The following SMC4 variants were observed in gnomAD, a reference collection of about 807,000 sequenced individuals.
SMC4 encodes the protein structural maintenance of chromosomes 4.
In SMC4, 87 loss-of-function variants were observed where a neutral mutation model predicts 145.6. That is an observed-to-expected ratio of 0.60 (90% CI 0.50 to 0.71). SMC4 has a LOEUF of 0.71. Ranked by LOEUF, SMC4 falls within the 30% of genes least tolerant of loss-of-function variation. SMC4 has a pLI of 0.00. For missense variants in SMC4, 1,447 were observed against 1,537.1 expected (o/e 0.94, Z 0.98); for synonymous variants, 558 against 500.7 (o/e 1.11, Z -1.53).
At chr3:160,425,543 A>G (rs1213632398) in intron 16 of SMC4, among the ~76,000 whole-genome samples, 1 of 152,132 alleles carries the variant, frequency 6.6e-6, no homozygotes, top group Admixed American at 6.5e-5. Context: ...TTTTCTTTCC[A>G]AGGCAGTATA....
rs1048497731 is a variant in SMC4, at chr3:160,401,459, T to C, written c.140-456T>C. On this transcript the variant is annotated intron_variant, in intron 2 of 23. Coordinates refer to ENST00000357388, the MANE Select transcript of SMC4 (RefSeq NM_001002800.3). ...TGTGAGTCCAGGAGTTGGGTGACAT[T>C]ATTAAACCCTCGTGGCAGTGTCGCT... 4.6e-5 allele frequency among the ~76,000 whole-genome samples: 7 copies of C among 152,144 alleles called. 1 individual carries two copies. The South Asian group carries it at 1.2e-3, about 27-fold the overall frequency.
rs1718366768 is a variant in SMC4, at chr3:160,431,201, A to G, written c.3110A>G (p.Lys1037Arg). The G allele has an allele frequency of 3.2e-6, 5 of 1,578,612 alleles. No homozygotes were observed. Among genetic ancestry groups the G allele is most frequent in the South Asian group, 1.2e-5 (1 of 85,030 alleles). Reference sequence around the variant, plus strand: ...AATTCTAAAATAAAATATTGGCACAAAGAGGTGAGATTGTTACCGTTTAGT... The same window carrying G: ...AATTCTAAAATAAAATATTGGCACAGAGAGGTGAGATTGTTACCGTTTAGT... ...EHNSKIKYWH[K>R]EISKISLHPI... Residue 1037 changes from lysine (K) to arginine (R), a missense_variant, in exon 20 of 24, where the codon AAA becomes AGA. Lys to Arg is a conservative substitution (Grantham distance 26, BLOSUM62 2). Coordinates refer to ENST00000357388, the MANE Select transcript of SMC4 (RefSeq NM_001002800.3).
intron 2 of SMC4, 92 bp downstream of exon 2, chr3:160,401,057 C>G (rs1360452564): frequency 2.3e-6 from 3 of 1,333,224 alleles, no homozygotes; most frequent in Non-Finnish European, 2.9e-6. Flanking sequence ...TTGTTGAGCG[C>G]GGAGTTGACA....
intron 7 of SMC4, 63 bp from the exon 8 acceptor site, chr3:160,413,409 TA>T: frequency 6.8e-7 from 1 of 1,462,534 alleles, no homozygotes; most frequent in Non-Finnish European, 9.3e-7. Context: ...CTAAAATTGT[TA>T]TACAGTTTTG....
rs1716073949 is a variant in SMC4, at chr3:160,412,252, A to G, written c.853-74A>G. 4.0e-6 allele frequency: 6 copies of G among 1,485,916 alleles called. No individual in the cohort carries two copies. The East Asian group carries it at 1.4e-4, about 34-fold the overall frequency. 92.0% of individuals were successfully genotyped at this position (1,485,916 alleles called of 1,614,324 possible). On this transcript the variant is annotated intron_variant, in intron 6 of 23. Transcript: ENST00000357388. ...TTCTCCTTATTAACTGTTTTTATCT[A>G]ATGTTTGCATATTTTAAGTTCATAT...
intron 5 of SMC4, among the ~76,000 whole-genome samples, chr3:160,411,435 C>G (rs1311702185): frequency 1.3e-5 from 2 of 152,138 alleles, no homozygotes; most frequent in African/African-American, 4.8e-5. Flanking sequence ...GTTGGTAATA[C>G]TACTTTGGGA....
rs544734751 is a variant in SMC4 at position 160,413,469 on chromosome 3, A to G, written c.981-4A>G. 8 of 1,567,448 alleles carry G rather than the reference A, an allele frequency of 5.1e-6. No homozygotes were observed. Among genetic ancestry groups the G allele is most frequent in the South Asian group, 3.6e-5 (3 of 83,658 alleles). On this transcript the variant is annotated splice_polypyrimidine_tract_variant and splice_region_variant and intron_variant, in intron 7 of 23. Transcript: ENST00000357388. Reference sequence around the variant, plus strand: ...ATTTCTTTTTTTTTTTTTCCTCCCTATAGTTATGAGTTGCAGAAACGAATT... The same window carrying G: ...ATTTCTTTTTTTTTTTTTCCTCCCTGTAGTTATGAGTTGCAGAAACGAATT...
intron 5 of SMC4, among the ~76,000 whole-genome samples, chr3:160,406,141 A>T (rs984951921): frequency 2.0e-5 from 3 of 152,116 alleles, no homozygotes; most frequent in African/African-American, 7.2e-5. Flanking sequence ...TCTGAAGTAT[A>T]TGGGATGCTA....
intron 18 of SMC4, among the ~76,000 whole-genome samples, chr3:160,429,147 T>G (rs1461203673): frequency 6.6e-6 from 1 of 152,100 alleles, no homozygotes; most frequent in Middle Eastern, 3.2e-3. Context: ...GGTAAACAGG[T>G]ATGCCATAGG....
chr3:160,408,762 T>C (rs1400141546), intron 5 of SMC4, among the ~76,000 whole-genome samples: 3 of 152,076 alleles, frequency 2.0e-5, no homozygotes, highest in Non-Finnish European at 4.4e-5. Flanking sequence ...ACAGATTACA[T>C]AGGAGATGGC....
At position 160,416,284 on chromosome 3, in the gene SMC4, A is replaced by G. The variant is rs1308156296; in HGVS notation, c.1306A>G (p.Asn436Asp). 6.3e-7 allele frequency: 1 copy of G among 1,598,226 alleles called. No homozygotes were observed. Among genetic ancestry groups the G allele is most frequent in the Non-Finnish European group, 8.5e-7 (1 of 1,174,446 alleles). The change falls in exon 10 of 24, where the codon AAC (asparagine) becomes GAC (aspartate). Residue 436 changes from asparagine (N) to aspartate (D), a missense_variant. By Grantham distance (23) the Asn-to-Asp change is conservative. Coordinates refer to ENST00000357388, the MANE Select transcript of SMC4 (RefSeq NM_001002800.3). ...EEFKSIPAKSNNIINETTTRN... is the reference protein window; with the variant it reads ...EEFKSIPAKSDNIINETTTRN... Reference sequence around the variant, plus strand: ...ATTTAAAAGTATACCTGCCAAGAGTAACAATATCATTAATGAAACAACAAC... The same window carrying G: ...ATTTAAAAGTATACCTGCCAAGAGTGACAATATCATTAATGAAACAACAAC...
intron 5 of SMC4, among the ~76,000 whole-genome samples, chr3:160,408,887 G>A (rs1715643149): frequency 6.6e-6 from 1 of 152,108 alleles, no homozygotes; most frequent in South Asian, 2.1e-4. Flanking sequence ...TACCACAGTA[G>A]TCTTAATAGT....
At chr3:160,403,172 A>C (rs1714903508) in intron 4 of SMC4, among the ~76,000 whole-genome samples, 1 of 152,178 alleles carries the variant, frequency 6.6e-6, no homozygotes, top group Admixed American at 6.5e-5. Context: ...GTTCATTTTT[A>C]AAGTTATATT....
chr3:160,425,056 T>C lies in SMC4; in HGVS notation c.2478+37T>C, dbSNP rs770506434. The C allele has an allele frequency of 4.6e-5, 24 of 526,642 alleles. No homozygotes were observed. The African/African-American group carries it at 6.9e-4, about 15-fold the overall frequency. 32.6% of individuals were successfully genotyped at this position (526,642 alleles called of 1,614,324 possible). ...TGTGTGTGTGTGTGTGTGTGTGTAC[T>C]GAAACTATTGGGATTCAACTGGAAT... On this transcript the variant is annotated intron_variant, in intron 16 of 23. Transcript: ENST00000357388.
At chr3:160,416,705 T>A (rs1220385356) in intron 10 of SMC4, 7 of 175,010 alleles carry the variant, frequency 4.0e-5, no homozygotes, top group African/African-American at 1.7e-4. Context: ...AATCATCATA[T>A]TTTGTTGCCA....
intron 5 of SMC4, among the ~76,000 whole-genome samples, chr3:160,406,490 C>T (rs190788727): frequency 6.6e-6 from 1 of 151,964 alleles, no homozygotes; most frequent in Admixed American, 6.6e-5. Flanking sequence ...TTTTTATTAC[C>T]TTCTCTCCTA....
chr3:160,423,397 T>C, intron 13 of SMC4, 28 bp from the exon 14 acceptor site: 1 of 1,374,348 alleles, frequency 7.3e-7, no homozygotes. Context: ...TAACTGTTGT[T>C]TTTGTTTGTT....
Position 160,433,203 on chromosome 3 carries a change from T to C in SMC4, c.3708T>C (p.Tyr1236=), listed in dbSNP as rs1231935553. 5 of 1,608,842 alleles carry C rather than the reference T, an allele frequency of 3.1e-6. No homozygotes were observed. Among genetic ancestry groups the C allele is most frequent in the East Asian group, 2.2e-5 (1 of 44,788 alleles). ...AAAATGTGTCCATTGTTGCATTTTA[T>C]ATATATGTAAGTAATCATTTTGGGA... ...DFKNVSIVAF[Y]IYEQTKNAQF... Residue 1236 remains tyrosine (Y), a synonymous_variant, in exon 23 of 24, where the codon TAT becomes TAC. Coordinates refer to ENST00000357388, the MANE Select transcript of SMC4 (RefSeq NM_001002800.3).
Position 160,401,871 on chromosome 3 carries a change from C to T in SMC4, c.140-44C>T, listed in dbSNP as rs567104457. ...ACTAATTGCACTAATGTAGGCTTTT[C>T]CCCCGCCGTTTGCCTTCGTTTTCCT... On this transcript the variant is annotated intron_variant, in intron 2 of 23. Transcript: ENST00000357388. 52 of 1,507,502 alleles carry T rather than the reference C, an allele frequency of 3.4e-5. 1 individual carries two copies. The South Asian group carries it at 6.2e-4, about 18-fold the overall frequency. The allele number at this position is 1,507,502 out of a possible 1,614,324, so 93.4% of individuals were successfully genotyped here. A position where few individuals can be genotyped will look rare whatever the true frequency, so the allele number is the denominator to read the frequency against.
Sources: gnomAD v4.1 joint callset for allele counts (sites outside exome capture counted in the v4.1 genomes callset) on GRCh38, gnomAD v4.1.1 for gene constraint, MANE v1.5 for transcripts, NCBI Gene and HGNC (gene_info 2026-07-23, HGNC 2026-07-21) for gene names.